Variants in ARHGAP10 observed in about 807,000 individuals in gnomAD.
ARHGAP10 encodes the protein rho GTPase-activating protein 10.
Under a neutral mutation model 108.6 loss-of-function variants are expected in ARHGAP10, and 87 were observed. That is an observed-to-expected ratio of 0.80 (90% CI 0.67 to 0.96). ARHGAP10 has a LOEUF of 0.96. Ranked by LOEUF, ARHGAP10 falls within the 40% of genes least tolerant of loss-of-function variation. The pLI is 0.00. For missense variants in ARHGAP10, 939 were observed against 954.5 expected (o/e 0.98, Z 0.21); for synonymous variants, 347 against 341.1 (o/e 1.02, Z -0.19).
At chr4:147,819,810 C>T (rs1202090610) in intron 1 of ARHGAP10, among the ~76,000 whole-genome samples, 2 of 152,092 alleles carry the variant, frequency 1.3e-5, no homozygotes, top group East Asian at 1.9e-4. Context: ...CCGCCCGTCT[C>T]GGCCTCCCAG....
chr4:147,891,641 C>A (rs1318875884), intron 10 of ARHGAP10, among the ~76,000 whole-genome samples: 1 of 152,118 alleles, frequency 6.6e-6, no homozygotes, highest in Non-Finnish European at 1.5e-5. Flanking sequence ...CTATTTTAAA[C>A]AATGGAACAC....
intron 10 of ARHGAP10, among the ~76,000 whole-genome samples, chr4:147,892,852 G>T (rs570283771): frequency 6.6e-6 from 1 of 152,136 alleles, no homozygotes; most frequent in African/African-American, 2.4e-5. Context: ...TTGGGGGCTG[G>T]GGGTTAGAAG....
intron 11 of ARHGAP10, 103 bp downstream of exon 11, chr4:147,906,822 A>T: frequency 7.0e-7 from 1 of 1,424,788 alleles, no homozygotes; most frequent in Non-Finnish European, 9.8e-7. Flanking sequence ...GTTCCCTTCT[A>T]TAACAGGTAT....
At chr4:147,747,390 T>C (rs547477911) in intron 1 of ARHGAP10, among the ~76,000 whole-genome samples, 1 of 152,368 alleles carries the variant, frequency 6.6e-6, no homozygotes, top group South Asian at 2.1e-4. Flanking sequence ...TGCTCTTTTC[T>C]AGCTAACTAC....
At chr4:147,870,587 A>C (rs1384036448) in intron 7 of ARHGAP10, among the ~76,000 whole-genome samples, 2 of 149,630 alleles carry the variant, frequency 1.3e-5, no homozygotes, top group South Asian at 2.1e-4. Flanking sequence ...TGAGAAATTG[A>C]GTCTTCATTT....
chr4:147,932,354 T>C (rs1184997006), intron 13 of ARHGAP10, among the ~76,000 whole-genome samples: 8 of 152,148 alleles, frequency 5.3e-5, no homozygotes, highest in South Asian at 2.1e-4. Flanking sequence ...CGCATGCATA[T>C]GTTCACTACA....
intron 1 of ARHGAP10, among the ~76,000 whole-genome samples, chr4:147,791,714 A>G (rs1177393923): frequency 6.6e-6 from 1 of 151,980 alleles, no homozygotes; most frequent in Non-Finnish European, 1.5e-5. Context: ...CCTCCCGAGT[A>G]GCTGAGATTA....
rs562930413 is a variant in ARHGAP10 at position 147,871,236 on chromosome 4, G to A, written c.703-3785G>A. Among the ~76,000 whole-genome samples the A allele has an allele frequency of 1.8e-4, 27 of 152,216 alleles. 1 individual carries two copies. In the South Asian group the frequency reaches 5.6e-3, roughly 32 times the overall value. Reference sequence around the variant, plus strand: ...GCCTCCCAAAGTGCTGGGATTATAGGTGTGAGCCACCACGTCCGGCCGTGT... The same window carrying A: ...GCCTCCCAAAGTGCTGGGATTATAGATGTGAGCCACCACGTCCGGCCGTGT... On this transcript the variant is annotated intron_variant, in intron 7 of 22. Coordinates refer to ENST00000336498, the MANE Select transcript of ARHGAP10 (RefSeq NM_024605.4).
At chr4:147,900,178 G>A (rs1435128303) in intron 10 of ARHGAP10, among the ~76,000 whole-genome samples, 1 of 152,232 alleles carries the variant, frequency 6.6e-6, no homozygotes, top group East Asian at 1.9e-4. Context: ...AGAGTGAAAT[G>A]TAGAATACAG....
At chr4:147,978,269 G>A (rs1739674574) in intron 18 of ARHGAP10, among the ~76,000 whole-genome samples, 1 of 152,158 alleles carries the variant, frequency 6.6e-6, no homozygotes, top group Non-Finnish European at 1.5e-5. Flanking sequence ...CAGGGGCTGA[G>A]CTAATTTGCA....
intron 1 of ARHGAP10, among the ~76,000 whole-genome samples, chr4:147,746,269 A>G (rs1728918322): frequency 6.7e-6 from 1 of 148,420 alleles, no homozygotes; most frequent in Non-Finnish European, 1.5e-5. Context: ...ATGCCCAGCT[A>G]ATTTTTGTAT....
intron 1 of ARHGAP10, among the ~76,000 whole-genome samples, chr4:147,753,620 C>A (rs1307028286): frequency 6.6e-6 from 1 of 151,866 alleles, no homozygotes; most frequent in Non-Finnish European, 1.5e-5. Context: ...TCCCAGAGTG[C>A]TGGGATTACA....
At chr4:147,890,682 C>T (rs972596754) in intron 10 of ARHGAP10, among the ~76,000 whole-genome samples, 1 of 152,144 alleles carries the variant, frequency 6.6e-6, no homozygotes, top group African/African-American at 2.4e-5. Context: ...CAAAAATTAA[C>T]TGGGTGTGGT....
intron 19 of ARHGAP10, among the ~76,000 whole-genome samples, chr4:148,037,480 T>G (rs1214882979): frequency 6.6e-6 from 1 of 152,188 alleles, no homozygotes; most frequent in Non-Finnish European, 1.5e-5. Context: ...TTGACCTGTA[T>G]GTACCACATT....
intron 3 of ARHGAP10, among the ~76,000 whole-genome samples, chr4:147,831,452 T>C (rs893569050): frequency 2.6e-5 from 4 of 152,254 alleles, no homozygotes; most frequent in Non-Finnish European, 5.9e-5. Context: ...TTTCATCTTA[T>C]TATATTTACA....
intron 10 of ARHGAP10, among the ~76,000 whole-genome samples, chr4:147,898,972 AC>A (rs1216749648): frequency 6.6e-6 from 1 of 152,170 alleles, no homozygotes; most frequent in African/African-American, 2.4e-5. Context: ...CCCTTTCTCG[AC>A]ATGTGGGGAT....
intron 22 of ARHGAP10, among the ~76,000 whole-genome samples, chr4:148,064,985 G>A (rs941340355): frequency 1.3e-5 from 2 of 152,200 alleles, no homozygotes; most frequent in Non-Finnish European, 2.9e-5. Context: ...GATTTGAACA[G>A]TGTGTGAGTC....
Position 147,760,493 on chromosome 4 carries a change from T to C in ARHGAP10, c.154+28038T>C, listed in dbSNP as rs979041141. 3.9e-5 allele frequency among the ~76,000 whole-genome samples: 6 copies of C among 152,092 alleles called. 1 individual carries two copies. The highest frequency in any genetic ancestry group is 7.2e-5 in the African/African-American group (3 of 41,428). ...CGGCAGATTGGGGAGAGGCAGAGTC[T>C]GGGTGGGAAGGTAGAAGGGGAGGGG... On this transcript the variant is annotated intron_variant, in intron 1 of 22. Transcript: ENST00000336498.
At chr4:147,962,687 A>AT (rs1051239928) in intron 16 of ARHGAP10, among the ~76,000 whole-genome samples, 1 of 151,666 alleles carries the variant, frequency 6.6e-6, no homozygotes, top group Non-Finnish European at 1.5e-5. Flanking sequence ...CTTTATTTTT[A>AT]TTTTTTTGAG....
Sources: allele counts gnomAD v4.1 joint callset (sites outside exome capture counted in the v4.1 genomes callset), GRCh38; gene constraint gnomAD v4.1.1; transcripts MANE v1.5; gene names NCBI Gene and HGNC (gene_info 2026-07-23, HGNC 2026-07-21).